Variants in NELL2 observed in about 807,000 individuals in gnomAD.
NELL2 encodes the protein protein kinase C-binding protein NELL2.
Under a neutral mutation model 109.6 loss-of-function variants are expected in NELL2, and 41 were observed. The observed-to-expected ratio is 0.37, with a 90% confidence interval of 0.29 to 0.49. The LOEUF is 0.49. Among genes scored for constraint, NELL2 ranks in the 20% least tolerant of loss-of-function variants. The pLI is 0.98. For missense variants in NELL2, 900 were observed against 1,008.3 expected, an observed-to-expected ratio of 0.89 and a Z score of 1.45; for synonymous variants, 355 against 344.7, an observed-to-expected ratio of 1.03 and a Z score of -0.33.
intron 11 of NELL2, among the ~76,000 whole-genome samples, chr12:44,705,087 G>A (rs1937793738): frequency 6.7e-6 from 1 of 149,908 alleles, no homozygotes; most frequent in Non-Finnish European, 1.5e-5. Flanking sequence ...CAACCTATAA[G>A]CAAGAAAAGA....
intron 2 of NELL2, among the ~76,000 whole-genome samples, chr12:44,824,629 T>A (rs1707752759): frequency 6.6e-6 from 1 of 151,936 alleles, no homozygotes; most frequent in African/African-American, 2.4e-5. Flanking sequence ...TTTATGCCAG[T>A]ACCATGCTGT....
chr12:44,537,088 T>A (rs527769449), intron 15 of NELL2, among the ~76,000 whole-genome samples: 24 of 152,102 alleles, frequency 1.6e-4, no homozygotes, highest in Admixed American at 1.4e-3. Flanking sequence ...TGTCTTGTTT[T>A]CTTTGTCTCT....
At chr12:44,623,459 T>G (rs1045142124) in intron 13 of NELL2, among the ~76,000 whole-genome samples, 1 of 152,130 alleles carries the variant, frequency 6.6e-6, no homozygotes, top group Non-Finnish European at 1.5e-5. Flanking sequence ...GATAATGTGG[T>G]TAGAGTGCCT....
chr12:44,810,768 G>A (rs925845827), intron 3 of NELL2, among the ~76,000 whole-genome samples: 4 of 152,042 alleles, frequency 2.6e-5, no homozygotes, highest in African/African-American at 9.7e-5. Context: ...GCTGCCGTCA[G>A]GGATAGAAAC....
chr12:44,694,915 C>T (rs1052349071), intron 12 of NELL2, among the ~76,000 whole-genome samples: 8 of 151,968 alleles, frequency 5.3e-5, no homozygotes, highest in African/African-American at 1.7e-4. Flanking sequence ...CTATATCTCA[C>T]AGTTAATCAT....
intron 15 of NELL2, among the ~76,000 whole-genome samples, chr12:44,582,859 C>T (rs748551576): frequency 6.6e-6 from 1 of 151,964 alleles, no homozygotes; most frequent in Non-Finnish European, 1.5e-5. Context: ...GGATCCTGCC[C>T]TCATGAATGA....
At chr12:44,714,222 A>T in intron 10 of NELL2, among the ~76,000 whole-genome samples, 1 of 152,000 alleles carries the variant, frequency 6.6e-6, no homozygotes, top group Non-Finnish European at 1.5e-5. Flanking sequence ...TTAGATAAAT[A>T]TCAGTCTCAA....
At chr12:44,843,879 G>T (rs1006780979) in intron 2 of NELL2, among the ~76,000 whole-genome samples, 4 of 152,076 alleles carry the variant, frequency 2.6e-5, no homozygotes, top group South Asian at 2.1e-4. Context: ...AAAATTAGCT[G>T]GGTGTGGTGG....
Position 44,864,383 on chromosome 12 carries a change from T to A in NELL2, c.184+10842A>T, listed in dbSNP as rs888291193. Reference sequence around the variant, plus strand: ...CAGAAAGTGAAGGAATAAAAAAAAATTCCATGGAAATGGAAAACAAAATAG... The same window carrying A: ...CAGAAAGTGAAGGAATAAAAAAAAAATCCATGGAAATGGAAAACAAAATAG... On this transcript the variant is annotated intron_variant, in intron 2 of 19. Coordinates refer to ENST00000429094, the MANE Select transcript of NELL2 (RefSeq NM_001145108.2). Among the ~76,000 whole-genome samples the A allele has an allele frequency of 1.3e-4, 20 of 152,124 alleles. No individual in the cohort carries two copies. The South Asian group carries it at 1.7e-3, about 13-fold the overall frequency.
intron 13 of NELL2, among the ~76,000 whole-genome samples, chr12:44,623,507 G>A (rs557513405): frequency 6.6e-6 from 1 of 152,058 alleles, no homozygotes; most frequent in East Asian, 1.9e-4. Flanking sequence ...AATTTAAAAT[G>A]GATTTTATTC....
intron 12 of NELL2, among the ~76,000 whole-genome samples, chr12:44,672,398 T>C (rs1464376234): frequency 6.6e-6 from 1 of 152,148 alleles, no homozygotes; most frequent in Admixed American, 6.5e-5. Flanking sequence ...CTTATAAGAA[T>C]CTGACTAATG....
At chr12:44,710,798 C>T (rs1938153409) in intron 11 of NELL2, among the ~76,000 whole-genome samples, 1 of 152,148 alleles carries the variant, frequency 6.6e-6, no homozygotes, top group African/African-American at 2.4e-5. Flanking sequence ...TCTCCATTCT[C>T]AGTAGTCCAG....
intron 2 of NELL2, among the ~76,000 whole-genome samples, chr12:44,844,168 A>T (rs1402625981): frequency 6.6e-6 from 1 of 152,222 alleles, no homozygotes; most frequent in African/African-American, 2.4e-5. Context: ...CCCATTCACA[A>T]GGGAGAAACC....
At chr12:44,520,453 A>G (rs1299517971) in intron 18 of NELL2, among the ~76,000 whole-genome samples, 1 of 152,226 alleles carries the variant, frequency 6.6e-6, no homozygotes, top group Non-Finnish European at 1.5e-5. Context: ...AACAATCTTC[A>G]GGATTTAAAT....
intron 9 of NELL2, among the ~76,000 whole-genome samples, chr12:44,762,025 T>C (rs1485251005): frequency 1.3e-5 from 2 of 152,080 alleles, no homozygotes; most frequent in Non-Finnish European, 2.9e-5. Flanking sequence ...CCCCTGAATC[T>C]ATAAAAATAA....
At chr12:44,749,976 G>GA (rs148720043) in intron 9 of NELL2, among the ~76,000 whole-genome samples, 29 of 148,362 alleles carry the variant, frequency 2.0e-4, no homozygotes, top group African/African-American at 4.4e-4. Context: ...CTAGCAGGGA[G>GA]AAAAAAAAAG....
intron 3 of NELL2, among the ~76,000 whole-genome samples, chr12:44,792,043 G>T (rs535252877): frequency 6.6e-6 from 1 of 152,174 alleles, no homozygotes; most frequent in Admixed American, 6.5e-5. Flanking sequence ...AAAAGTGAGA[G>T]TGGTGTCTCA....
At chr12:44,910,994 G>A (rs1236922264) in intron 1 of NELL2, among the ~76,000 whole-genome samples, 7 of 151,976 alleles carry the variant, frequency 4.6e-5, no homozygotes, top group South Asian at 2.1e-4. Flanking sequence ...CACTGGAGAC[G>A]ACTAGATGGG....
In NELL2 at chr12:44,519,990, T is replaced by A. The variant is rs1423352325; in HGVS notation, c.2400+15A>T. On this transcript the variant is annotated intron_variant, in intron 19 of 19. Transcript: ENST00000429094. ...GCTGGCAAAGTGCTCACTATTTAAATTTAATGGAGTTTACCTTGCACTGGC... is the reference window on the plus strand; with the variant it reads ...GCTGGCAAAGTGCTCACTATTTAAAATTAATGGAGTTTACCTTGCACTGGC... 9 of 1,611,694 alleles carry A rather than the reference T, an allele frequency of 5.6e-6. No individual in the cohort carries two copies. Among genetic ancestry groups the A allele is most frequent in the Non-Finnish European group, 7.6e-6 (9 of 1,178,098 alleles).
Sources: gnomAD v4.1 joint callset for allele counts (sites outside exome capture counted in the v4.1 genomes callset) on GRCh38, gnomAD v4.1.1 for gene constraint, MANE v1.5 for transcripts, NCBI Gene and HGNC (gene_info 2026-07-23, HGNC 2026-07-21) for gene names.